LAMA2: variants seen among roughly 807,000 people sequenced by gnomAD.
LAMA2 encodes laminin subunit alpha 2.
Under a neutral mutation model 364.8 loss-of-function variants are expected in LAMA2, and 269 were observed. The ratio of observed to expected loss-of-function variants is 0.74; its 90% CI spans 0.67 to 0.82. LAMA2 has a LOEUF of 0.82. Among genes scored for constraint, LAMA2 ranks in the 40% least tolerant of loss-of-function variants. LAMA2 has a pLI of 0.00. For missense variants in LAMA2, 3,807 were observed against 3,873.2 expected (o/e 0.98, Z 0.45); for synonymous variants, 1,379 against 1,370.6 (o/e 1.01, Z -0.14).
At chr6:129,325,532 T>TG (rs1775221531) in intron 28 of LAMA2, among the ~76,000 whole-genome samples, 1 of 148,936 alleles carries the variant, frequency 6.7e-6, no homozygotes, top group African/African-American at 2.4e-5. Flanking sequence ...AGAGAATTTC[T>TG]GTTTTTTTTT....
intron 10 of LAMA2, among the ~76,000 whole-genome samples, chr6:129,179,708 T>C (rs1273794379): frequency 6.6e-6 from 1 of 152,120 alleles, no homozygotes; most frequent in Non-Finnish European, 1.5e-5. Context: ...AATAGCATTA[T>C]TAAAATAAAT....
At chr6:128,904,619 T>A (rs577939235) in intron 1 of LAMA2, among the ~76,000 whole-genome samples, 1 of 152,132 alleles carries the variant, frequency 6.6e-6, no homozygotes. Context: ...CATGCCTGGC[T>A]AATTTATTCT....
rs568346935 is a variant in LAMA2, at chr6:129,013,406, C to T, written c.113-36512C>T. Among the ~76,000 whole-genome samples the T allele has an allele frequency of 7.3e-5, 11 of 151,586 alleles. 1 individual carries two copies. In the East Asian group the frequency reaches 1.4e-3, roughly 19 times the overall value. On this transcript the variant is annotated intron_variant, in intron 1 of 64. Coordinates refer to ENST00000421865, the MANE Select transcript of LAMA2 (RefSeq NM_000426.4). ...GAGCCGAGATCGCGCCACTGCAGTC[C>T]GGCCTGGGCGAAAGAGAGAGACTCC...
intron 1 of LAMA2, among the ~76,000 whole-genome samples, chr6:128,890,493 A>C (rs1776391779): frequency 6.6e-6 from 1 of 151,880 alleles, no homozygotes; most frequent in South Asian, 2.1e-4. Flanking sequence ...GGTATTATGG[A>C]AGAACAAAAA....
intron 22 of LAMA2, among the ~76,000 whole-genome samples, chr6:129,308,547 A>G (rs1364901369): frequency 6.6e-6 from 1 of 152,170 alleles, no homozygotes. Flanking sequence ...TCTGTTGACT[A>G]AAGTTGACTG....
chr6:129,096,890 G>T (rs756791066), intron 3 of LAMA2, among the ~76,000 whole-genome samples: 1 of 152,130 alleles, frequency 6.6e-6, no homozygotes, highest in Non-Finnish European at 1.5e-5. Context: ...CTGTATTACC[G>T]CATTCCATAC....
Position 129,206,123 on chromosome 6 carries a change from A to C in LAMA2, c.1782+13270A>C, listed in dbSNP as rs1202321636. ...GAGGGAGGGAGGAAGGAAGGAAGGA[A>C]GGAAGGAAGGAAGGAAGGAAGGAAG... On this transcript the variant is annotated intron_variant, in intron 12 of 64. Coordinates refer to ENST00000421865, the MANE Select transcript of LAMA2 (RefSeq NM_000426.4). Among the ~76,000 whole-genome samples, 8 of 110,852 alleles carry C rather than the reference A, an allele frequency of 7.2e-5. No homozygotes were observed. In the East Asian group the frequency reaches 2.2e-3, roughly 30 times the overall value. 72.7% of individuals were successfully genotyped at this position (110,852 alleles called of 152,430 possible).
chr6:129,239,939 A>C (rs974932247), intron 12 of LAMA2, among the ~76,000 whole-genome samples: 1 of 152,188 alleles, frequency 6.6e-6, no homozygotes, highest in South Asian at 2.1e-4. Flanking sequence ...GTGAAGTCCC[A>C]CAATAGGCCA....
Position 129,480,574 on chromosome 6 carries a change from T to TGAAA in LAMA2, c.7573-686_7573-685insAGAA, listed in dbSNP as rs541890865. ...AAGAGTGAATGAATGAATGAATGAA[T>TGAAA]GAATTATAGAAAGCTATATGCTTCT... is the stretch of plus-strand genomic sequence containing the variant. On this transcript the variant is annotated intron_variant, in intron 54 of 64. Transcript: ENST00000421865. Among the ~76,000 whole-genome samples the TGAAA allele has an allele frequency of 1.3e-3, 199 of 152,032 alleles. 1 individual carries two copies. Among genetic ancestry groups the TGAAA allele is most frequent in the Non-Finnish European group, 2.4e-3 (166 of 67,942 alleles).
At chr6:129,153,962 AC>A (rs977495752) in intron 7 of LAMA2, among the ~76,000 whole-genome samples, 17 of 152,182 alleles carry the variant, frequency 1.1e-4, no homozygotes, top group African/African-American at 4.1e-4. Flanking sequence ...GTTAGTCAAA[AC>A]CAAATATTGG....
chr6:129,345,286 G>T (rs1220968000), intron 30 of LAMA2, among the ~76,000 whole-genome samples: 1 of 152,044 alleles, frequency 6.6e-6, no homozygotes, highest in South Asian at 2.1e-4. Flanking sequence ...GCAGCTTTTG[G>T]CTCTGTTATA....
Position 129,252,297 on chromosome 6 carries a change from T to TA in LAMA2, c.2096+6dup, listed in dbSNP as rs781536908. 3.1e-6 allele frequency: 5 copies of TA among 1,609,792 alleles called. No individual in the cohort carries two copies. Among genetic ancestry groups the TA allele is most frequent in the South Asian group, 1.1e-5 (1 of 91,022 alleles). ...CTTTGGGATGGATGCCATCTTCAGG[T>TA]AAAATCAAGAACTGCAGCTCCAACG... On this transcript the variant is annotated splice_region_variant and intron_variant, in intron 14 of 64. Transcript: ENST00000421865.
chr6:129,225,833 G>T (rs1293712562), intron 12 of LAMA2, among the ~76,000 whole-genome samples: 2 of 152,186 alleles, frequency 1.3e-5, no homozygotes, highest in Non-Finnish European at 1.5e-5. Context: ...GGAGAGTTCT[G>T]CAAATGTCTA....
chr6:129,327,070 TA>T (rs1000535057), intron 28 of LAMA2, among the ~76,000 whole-genome samples: 54 of 151,990 alleles, frequency 3.6e-4, no homozygotes, highest in African/African-American at 1.3e-3. Context: ...AGACTCAAAA[TA>T]GTTTGAATAC....
At chr6:128,918,021 G>A (rs2114478071) in intron 1 of LAMA2, among the ~76,000 whole-genome samples, 1 of 151,938 alleles carries the variant, frequency 6.6e-6, no homozygotes, top group East Asian at 1.9e-4. Context: ...ATGAGCCACT[G>A]CACCTGGCTT....
At position 129,486,765 on chromosome 6, in the gene LAMA2, T is replaced by A; in HGVS notation, c.7898+143T>A. 2.6e-5 allele frequency: 21 copies of A among 798,874 alleles called. 1 individual carries two copies. In the South Asian group the frequency reaches 3.2e-4, roughly 12 times the overall value. 49.5% of individuals were successfully genotyped at this position (798,874 alleles called of 1,614,324 possible). A position where few individuals can be genotyped will look rare whatever the true frequency, so the allele number is the denominator to read the frequency against. ...AAGGATACCGTAGCTTAATTCCCTC[T>A]TCTTTACTTTTCATACTTCGGGAAC... On this transcript the variant is annotated intron_variant, in intron 56 of 64. Coordinates refer to ENST00000421865, the MANE Select transcript of LAMA2 (RefSeq NM_000426.4).
At chr6:129,062,631 G>A (rs187906008) in intron 3 of LAMA2, among the ~76,000 whole-genome samples, 9 of 152,198 alleles carry the variant, frequency 5.9e-5, no homozygotes, top group Middle Eastern at 3.4e-3. Context: ...CCGCATGAAG[G>A]ATTAATAGGT....
chr6:129,099,337 T>C (rs1319620116), intron 4 of LAMA2, among the ~76,000 whole-genome samples: 1 of 152,018 alleles, frequency 6.6e-6, no homozygotes, highest in Non-Finnish European at 1.5e-5. Flanking sequence ...TATTGTTTTG[T>C]TGCCATTAAG....
chr6:129,424,604 G>A (rs1401810998), intron 40 of LAMA2, among the ~76,000 whole-genome samples: 1 of 151,948 alleles, frequency 6.6e-6, no homozygotes, highest in African/African-American at 2.4e-5. Flanking sequence ...TGGAAAATAA[G>A]CATGTGAAAA....
Sources: gnomAD v4.1 joint callset for allele counts (sites outside exome capture counted in the v4.1 genomes callset) on GRCh38, gnomAD v4.1.1 for gene constraint, MANE v1.5 for transcripts, NCBI Gene and HGNC (gene_info 2026-07-23, HGNC 2026-07-21) for gene names.